The following ADAM28 variants were observed in gnomAD, a reference collection of about 807,000 sequenced individuals.
The protein encoded by ADAM28 is ADAM metallopeptidase domain 28, also known as disintegrin and metalloproteinase domain-containing protein 28.
ADAM28 carries 105 observed loss-of-function variants against 101.2 expected under a neutral mutation model. That is an observed-to-expected ratio of 1.04 (90% CI 0.89 to 1.22). The LOEUF is 1.22. Among genes scored for constraint, ADAM28 ranks in the 50% most tolerant of loss-of-function variants. ADAM28 has a pLI of 0.00. For synonymous variants in ADAM28, 322 were observed against 310.6 expected, an observed-to-expected ratio of 1.04 and a Z score of -0.39; for missense variants, 1,028 against 945.4, an observed-to-expected ratio of 1.09 and a Z score of -1.15.
At chr8:24,307,172 A>G (rs181671321) in intron 2 of ADAM28, among the ~76,000 whole-genome samples, 1 of 152,298 alleles carries the variant, frequency 6.6e-6, no homozygotes, top group African/African-American at 2.4e-5. Context: ...ACGATCCCAA[A>G]TTCATAGTGC....
At chr8:24,310,478 G>A in intron 4 of ADAM28, 1 of 377,144 alleles carries the variant, frequency 2.7e-6, no homozygotes, top group Non-Finnish European at 4.8e-6. Context: ...CCTGTAGGAG[G>A]GTGGGTAGAA....
intron 10 of ADAM28, among the ~76,000 whole-genome samples, chr8:24,328,256 A>G (rs1812887442): frequency 6.6e-6 from 1 of 151,846 alleles, no homozygotes; most frequent in Non-Finnish European, 1.5e-5. Flanking sequence ...TTTTGAATAT[A>G]TTTTCACAGA....
chr8:24,322,339 A>G (rs1286637314), intron 8 of ADAM28, among the ~76,000 whole-genome samples: 2 of 151,956 alleles, frequency 1.3e-5, no homozygotes, highest in East Asian at 3.9e-4. Flanking sequence ...CGATAAGCCA[A>G]TGGTGGGAGC....
chr8:24,343,240 T>A, intron 17 of ADAM28, 59 bp downstream of exon 17: 12 of 1,571,852 alleles, frequency 7.6e-6, no homozygotes, highest in Non-Finnish European at 1.0e-5. Flanking sequence ...TCTAGGTCAG[T>A]CATAAGAAAG....
chr8:24,300,447 C>G (rs565496515), intron 2 of ADAM28, among the ~76,000 whole-genome samples: 72 of 151,928 alleles, frequency 4.7e-4, no homozygotes, highest in Non-Finnish European at 9.3e-4. Context: ...GACAGAGTCT[C>G]GCTCTGTCGC....
At chr8:24,294,802 A>T (rs1027213580) in intron 1 of ADAM28, among the ~76,000 whole-genome samples, 2 of 152,232 alleles carry the variant, frequency 1.3e-5, no homozygotes, top group Admixed American at 6.5e-5. Flanking sequence ...TATACCAAAC[A>T]TTTAAAAATT....
At chr8:24,352,705 T>G (rs561519714) in intron 21 of ADAM28, among the ~76,000 whole-genome samples, 1 of 152,284 alleles carries the variant, frequency 6.6e-6, no homozygotes, top group Non-Finnish European at 1.5e-5. Flanking sequence ...ACTGTGTATG[T>G]ACAACTAAAT....
At position 24,313,462 on chromosome 8, in the gene ADAM28, A is replaced by G; in HGVS notation, c.458A>G (p.His153Arg). The G allele has an allele frequency of 6.2e-7, 1 of 1,613,920 alleles. No individual in the cohort carries two copies. Among genetic ancestry groups the G allele is most frequent in the Non-Finnish European group, 8.5e-7 (1 of 1,179,858 alleles). ...LSPIHRDGQE[H>R]ALFKYNPDEK... is the part of the protein sequence containing the mutation. ...CCCATACATCGGGATGGACAGGAGC[A>G]TGCACTCTTCAAGTATAACCCTGAT... Residue 153 changes from histidine (H) to arginine (R), a missense_variant, in exon 6 of 23, where the codon CAT becomes CGT. By Grantham distance (29) the His-to-Arg change is conservative. Transcript: ENST00000265769.
chr8:24,314,538 G>C (rs1287363389), intron 6 of ADAM28, among the ~76,000 whole-genome samples: 1 of 151,924 alleles, frequency 6.6e-6, no homozygotes, highest in Non-Finnish European at 1.5e-5. Context: ...AATGTTCTCA[G>C]AGTCTGTGAG....
chr8:24,334,568 CATAAG>C (rs1489085468), intron 13 of ADAM28, among the ~76,000 whole-genome samples: 6 of 152,106 alleles, frequency 3.9e-5, no homozygotes, highest in African/African-American at 1.2e-4. Context: ...ACAGCAAAGA[CATAAG>C]AGAAGATACA....
At chr8:24,302,035 C>A (rs765460682) in intron 2 of ADAM28, among the ~76,000 whole-genome samples, 1 of 152,014 alleles carries the variant, frequency 6.6e-6, no homozygotes, top group Non-Finnish European at 1.5e-5. Flanking sequence ...ACCTATCAAC[C>A]CATCACCTAG....
chr8:24,335,049 A>G (rs1330622191), intron 13 of ADAM28, among the ~76,000 whole-genome samples: 2 of 152,150 alleles, frequency 1.3e-5, no homozygotes, highest in African/African-American at 2.4e-5. Context: ...AATACCGAAG[A>G]TCCAATTCAC....
intron 13 of ADAM28, among the ~76,000 whole-genome samples, chr8:24,334,362 G>T (rs754280551): frequency 1.9e-4 from 29 of 152,150 alleles, no homozygotes; most frequent in Non-Finnish European, 3.7e-4. Context: ...CACATGCAAA[G>T]CCGAGATTCA....
intron 1 of ADAM28, among the ~76,000 whole-genome samples, chr8:24,298,869 G>A (rs1305505246): frequency 6.6e-6 from 1 of 152,090 alleles, no homozygotes; most frequent in African/African-American, 2.4e-5. Flanking sequence ...TCTAATGTTA[G>A]CTTCGAGAAA....
At chr8:24,330,222 C>G in intron 11 of ADAM28, 107 bp downstream of exon 11, 1 of 1,367,490 alleles carries the variant, frequency 7.3e-7, no homozygotes, top group Non-Finnish European at 9.9e-7. Context: ...GTTTTTGAGT[C>G]ACTAAATGTG....
intron 22 of ADAM28, 27 bp downstream of exon 22, chr8:24,353,859 T>TA: frequency 1.4e-6 from 2 of 1,423,220 alleles, no homozygotes; most frequent in Non-Finnish European, 2.0e-6. Flanking sequence ...CAAATTATTA[T>TA]ATTCTTGTAT....
At chr8:24,310,398 G>T in intron 4 of ADAM28, 157 bp downstream of exon 4, 1 of 668,910 alleles carries the variant, frequency 1.5e-6, no homozygotes. Flanking sequence ...AAAGAAAAGT[G>T]GAAAATCAAT....
intron 9 of ADAM28, among the ~76,000 whole-genome samples, chr8:24,324,521 CAGAT>C (rs1055576592): frequency 2.6e-5 from 4 of 151,838 alleles, no homozygotes; most frequent in Non-Finnish European, 5.9e-5. Context: ...TAGTTGAAAT[CAGAT>C]AGAAGGAAGC....
At chr8:24,340,987 T>G (rs1203402818) in intron 15 of ADAM28, 1 of 152,282 alleles carries the variant, frequency 6.6e-6, no homozygotes, top group African/African-American at 2.4e-5. Flanking sequence ...TAACTCCACC[T>G]GATGCCTTGC....
Sources: allele counts gnomAD v4.1 joint callset (sites outside exome capture counted in the v4.1 genomes callset), GRCh38; gene constraint gnomAD v4.1.1; transcripts MANE v1.5; gene names NCBI Gene and HGNC (gene_info 2026-07-23, HGNC 2026-07-21).